Variants in DGKB observed in about 807,000 individuals in gnomAD.
DGKB encodes the protein diacylglycerol kinase beta.
DGKB carries 67 observed loss-of-function variants against 114.3 expected under a neutral mutation model. The ratio of observed to expected loss-of-function variants is 0.59; its 90% CI spans 0.48 to 0.72. The LOEUF (loss-of-function observed/expected upper bound fraction) is 0.72, where lower values mean the gene tolerates loss of function less well. Among genes scored for constraint, DGKB ranks in the 30% least tolerant of loss-of-function variants. The probability of loss-of-function intolerance (pLI) is 0.00; values close to 1 mark genes in which losing one functional copy is unlikely to be tolerated. For synonymous variants in DGKB, 398 were observed against 323.1 expected, an observed-to-expected ratio of 1.23 and a Z score of -2.49; for missense variants, 907 against 975.2, an observed-to-expected ratio of 0.93 and a Z score of 0.93.
At chr7:14,634,057 C>T (rs949713027) in intron 13 of DGKB, among the ~76,000 whole-genome samples, 4 of 151,244 alleles carry the variant, frequency 2.6e-5, no homozygotes, top group Admixed American at 6.6e-5. Context: ...AATGAGAGCA[C>T]AGTACTCACA....
intron 12 of DGKB, among the ~76,000 whole-genome samples, chr7:14,679,461 T>G (rs1040710771): frequency 2.6e-5 from 4 of 152,016 alleles, no homozygotes; most frequent in Non-Finnish European, 4.4e-5. Flanking sequence ...AGAATCTGGT[T>G]GGTCTGAGTT....
chr7:14,935,309 A>T (rs1785217539), intron 1 of DGKB, among the ~76,000 whole-genome samples: 1 of 152,188 alleles, frequency 6.6e-6, no homozygotes, highest in African/African-American at 2.4e-5. Flanking sequence ...GAACTCTTTG[A>T]GTTTTGATTG....
At chr7:14,849,247 CA>C (rs1464948992) in intron 1 of DGKB, among the ~76,000 whole-genome samples, 1 of 152,088 alleles carries the variant, frequency 6.6e-6, no homozygotes, top group African/African-American at 2.4e-5. Flanking sequence ...TTTTAGCTAA[CA>C]AACCCCAGAG....
At chr7:14,964,811 T>C (rs889044039) in intron 1 of DGKB, among the ~76,000 whole-genome samples, 2 of 152,146 alleles carry the variant, frequency 1.3e-5, no homozygotes, top group African/African-American at 4.8e-5. Flanking sequence ...TCAATGACAC[T>C]CAAGATTTAC....
chr7:14,834,569 C>T (rs1290379781), intron 2 of DGKB, among the ~76,000 whole-genome samples: 6 of 152,100 alleles, frequency 3.9e-5, no homozygotes, highest in South Asian at 2.1e-4. Flanking sequence ...GTCACAGCAA[C>T]TGCCAATTTT....
intron 23 of DGKB, among the ~76,000 whole-genome samples, chr7:14,228,882 T>TTGTGTGTGTGTGTGTG (rs1407841864): frequency 3.0e-5 from 2 of 67,718 alleles, no homozygotes; most frequent in African/African-American, 2.6e-4. Flanking sequence ...TCAGTTTTTT[T>TTGTGTGTGTGTGTGTG]TCTGTGTGTG....
intron 23 of DGKB, among the ~76,000 whole-genome samples, chr7:14,327,248 G>A (rs1453263693): frequency 6.6e-6 from 1 of 151,908 alleles, no homozygotes; most frequent in Non-Finnish European, 1.5e-5. Flanking sequence ...TGGATGAAAA[G>A]TAATGTTTAC....
At chr7:14,953,398 C>G (rs1786317024) in intron 1 of DGKB, among the ~76,000 whole-genome samples, 1 of 152,060 alleles carries the variant, frequency 6.6e-6, no homozygotes, top group Non-Finnish European at 1.5e-5. Context: ...AAGCTCTTAA[C>G]AGACATTTCT....
At chr7:14,163,203 T>A (rs1187577696) in intron 25 of DGKB, among the ~76,000 whole-genome samples, 2 of 152,226 alleles carry the variant, frequency 1.3e-5, no homozygotes, top group African/African-American at 2.4e-5. Flanking sequence ...CCCCTGTAAC[T>A]ACTGCAAATT....
At chr7:14,393,868 A>G (rs2128713856) in intron 21 of DGKB, among the ~76,000 whole-genome samples, 1 of 152,318 alleles carries the variant, frequency 6.6e-6, no homozygotes, top group East Asian at 1.9e-4. Context: ...TACATATAAC[A>G]TGAAGATTGT....
At chr7:14,238,160 AT>A (rs1793084926) in intron 23 of DGKB, among the ~76,000 whole-genome samples, 1 of 152,010 alleles carries the variant, frequency 6.6e-6, no homozygotes, top group Non-Finnish European at 1.5e-5. Context: ...CCCCACCCAA[AT>A]TTCATGTTGA....
At chr7:14,870,167 A>G (rs967442330) in intron 1 of DGKB, among the ~76,000 whole-genome samples, 2 of 151,838 alleles carry the variant, frequency 1.3e-5, no homozygotes, top group Non-Finnish European at 2.9e-5. Flanking sequence ...CTCACCTAAC[A>G]CCCAGGCCCA....
At chr7:14,483,813 G>A (rs1783355126) in intron 20 of DGKB, among the ~76,000 whole-genome samples, 1 of 152,096 alleles carries the variant, frequency 6.6e-6, no homozygotes, top group Non-Finnish European at 1.5e-5. Context: ...AATGCTGAAA[G>A]CCACCAGAAG....
At chr7:14,641,116 T>C (rs555553974) in intron 13 of DGKB, among the ~76,000 whole-genome samples, 1 of 152,282 alleles carries the variant, frequency 6.6e-6, no homozygotes, top group Non-Finnish European at 1.5e-5. Context: ...TTAATGAGAA[T>C]AGCAAATTTT....
intron 16 of DGKB, among the ~76,000 whole-genome samples, chr7:14,609,779 A>G (rs1335001179): frequency 1.3e-5 from 2 of 152,236 alleles, no homozygotes; most frequent in East Asian, 3.9e-4. Context: ...CATGCTTATC[A>G]TCACTAATAA....
At chr7:14,929,316 T>C (rs960760613) in intron 1 of DGKB, among the ~76,000 whole-genome samples, 19 of 152,096 alleles carry the variant, frequency 1.2e-4, no homozygotes, top group African/African-American at 4.6e-4. Context: ...CACACTGTTT[T>C]CATAGAGGTT....
chr7:14,518,332 G>A (rs968413641), intron 20 of DGKB, among the ~76,000 whole-genome samples: 1 of 151,972 alleles, frequency 6.6e-6, no homozygotes, highest in African/African-American at 2.4e-5. Context: ...TAAGAGGAGG[G>A]TAAGGATCGC....
At chr7:14,743,719 C>A (rs576844777) in intron 4 of DGKB, among the ~76,000 whole-genome samples, 16 of 152,268 alleles carry the variant, frequency 1.1e-4, no homozygotes, top group Middle Eastern at 6.8e-3. Flanking sequence ...TGCTATCAAT[C>A]ACAATTAAGG....
At chr7:14,895,367 C>G (rs1210534323) in intron 1 of DGKB, among the ~76,000 whole-genome samples, 2 of 151,424 alleles carry the variant, frequency 1.3e-5, no homozygotes, top group Non-Finnish European at 3.0e-5. Flanking sequence ...CAAGACAGAC[C>G]AGGTCTACAA....
Sources: gnomAD v4.1 joint callset for allele counts (sites outside exome capture counted in the v4.1 genomes callset) on GRCh38, gnomAD v4.1.1 for gene constraint, MANE v1.5 for transcripts, NCBI Gene and HGNC (gene_info 2026-07-23, HGNC 2026-07-21) for gene names.